The following HEATR5B variants were observed in gnomAD, a reference collection of about 807,000 sequenced individuals.
HEATR5B encodes the protein HEAT repeat containing 5B.
In HEATR5B, 156 loss-of-function variants were observed where a neutral mutation model predicts 224.1. That is an observed-to-expected ratio of 0.70 (90% CI 0.61 to 0.80). The LOEUF (loss-of-function observed/expected upper bound fraction) is 0.80, where lower values mean the gene tolerates loss of function less well. Ranked by LOEUF, HEATR5B falls within the 30% of genes least tolerant of loss-of-function variation. The pLI, the probability that HEATR5B is intolerant of heterozygous loss-of-function variation, is 0.00. For missense variants in HEATR5B, 2,323 were observed against 2,535.5 expected (o/e 0.92, Z 1.80); for synonymous variants, 1,027 against 893.0 (o/e 1.15, Z -2.68).
At chr2:37,019,987 T>C in intron 25 of HEATR5B, 110 bp from the exon 26 acceptor site, 1 of 690,002 alleles carries the variant, frequency 1.4e-6, no homozygotes, top group Non-Finnish European at 2.4e-6. Context: ...CATTGCAACC[T>C]CTGCCTCGTA....
intron 33 of HEATR5B, among the ~76,000 whole-genome samples, chr2:36,995,631 C>T (rs1427960841): frequency 1.3e-5 from 2 of 152,052 alleles, no homozygotes; most frequent in African/African-American, 4.8e-5. Context: ...AACTCTACCA[C>T]CCAGTAATAG....
rs1374510523 is a variant in HEATR5B at position 37,013,933 on chromosome 2, T to C, written c.4192A>G (p.Lys1398Glu). The C allele has an allele frequency of 6.2e-7, 1 of 1,613,200 alleles. No homozygotes were observed. The highest frequency in any genetic ancestry group is 8.5e-7 in the Non-Finnish European group (1 of 1,179,566). The change falls in exon 27 of 36, where the codon AAA (lysine) becomes GAA (glutamate). Residue 1398 changes from lysine (K) to glutamate (E), a missense_variant. Lys to Glu is a moderately conservative substitution (Grantham distance 56, BLOSUM62 1). Coordinates refer to ENST00000233099, the MANE Select transcript of HEATR5B (RefSeq NM_019024.3). ...GAAGATCCTTTTCCAGCCTGAACTT[T>C]GTCCAGAGAAGAAACAAGAAGATTG... ...VHNLLVSSLD[K>E]VQAGKGSSSQ...
chr2:36,989,966 T>C (rs1469585792), intron 34 of HEATR5B, among the ~76,000 whole-genome samples: 2 of 132,776 alleles, frequency 1.5e-5, no homozygotes, highest in Admixed American at 1.7e-4. Context: ...AGTGGTGCAA[T>C]GGCACAATCT....
intron 10 of HEATR5B, among the ~76,000 whole-genome samples, chr2:37,063,427 G>C (rs998668529): frequency 2.0e-5 from 3 of 152,180 alleles, no homozygotes; most frequent in Non-Finnish European, 2.9e-5. Context: ...TAAGATACCA[G>C]TTTACCAGAC....
chr2:37,007,942 C>T (rs1558723163), intron 28 of HEATR5B, among the ~76,000 whole-genome samples: 2 of 152,208 alleles, frequency 1.3e-5, no homozygotes. Context: ...TCTATCACAA[C>T]CAGGGAACTC....
intron 33 of HEATR5B, among the ~76,000 whole-genome samples, chr2:37,000,118 C>T (rs1163640911): frequency 6.6e-6 from 1 of 151,760 alleles, no homozygotes; most frequent in Non-Finnish European, 1.5e-5. Flanking sequence ...CTGTTTTTTG[C>T]CGAGCCTGGA....
intron 19 of HEATR5B, 193 bp downstream of exon 19, chr2:37,040,940 T>C (rs1669834355): frequency 1.9e-6 from 1 of 531,516 alleles, no homozygotes; most frequent in Non-Finnish European, 3.3e-6. Flanking sequence ...TGTATGTGAA[T>C]GGGTAAAATT....
chr2:37,020,157 G>A (rs557333336), intron 25 of HEATR5B, among the ~76,000 whole-genome samples: 4 of 152,196 alleles, frequency 2.6e-5, no homozygotes, highest in African/African-American at 7.2e-5. Flanking sequence ...CACCCACCTC[G>A]GCCTCCCAAA....
intron 17 of HEATR5B, among the ~76,000 whole-genome samples, chr2:37,052,308 A>G (rs1670610593): frequency 6.6e-6 from 1 of 152,118 alleles, no homozygotes; most frequent in South Asian, 2.1e-4. Flanking sequence ...TCCAAGGCCC[A>G]CCTTGGATGT....
At chr2:37,057,885 A>C (rs1671013623) in intron 14 of HEATR5B, among the ~76,000 whole-genome samples, 1 of 152,220 alleles carries the variant, frequency 6.6e-6, no homozygotes, top group Non-Finnish European at 1.5e-5. Context: ...AAATATATTA[A>C]ATGTGATATG....
chr2:36,983,717 G>C (rs1206065837), intron 35 of HEATR5B, among the ~76,000 whole-genome samples: 1 of 151,328 alleles, frequency 6.6e-6, no homozygotes, highest in Non-Finnish European at 1.5e-5. Context: ...GACAAAGCGA[G>C]ACTCCCTTTC....
chr2:37,053,156 T>C (rs752616088), intron 17 of HEATR5B, among the ~76,000 whole-genome samples: 31 of 152,252 alleles, frequency 2.0e-4, no homozygotes, highest in Non-Finnish European at 3.4e-4. Context: ...CTCACATGAT[T>C]TGTGGCCTAA....
Position 37,008,687 on chromosome 2 carries a change from G to T in HEATR5B, c.4446C>A (p.Arg1482=), listed in dbSNP as rs1021182840. The T allele has an allele frequency of 3.1e-6, 5 of 1,614,016 alleles. No homozygotes were observed. In the South Asian group the frequency reaches 5.5e-5, roughly 18 times the overall value. The change falls in exon 28 of 36, where the codon CGC becomes CGA. Residue 1482 remains arginine (R), a synonymous_variant. Coordinates refer to ENST00000233099, the MANE Select transcript of HEATR5B (RefSeq NM_019024.3). ...LVQPELPTLS[R]LWLAALKDYA... is the part of the protein sequence containing the mutation. ...AATCTTTTAATGCTGCTAACCACAG[G>T]CGACTGAGTGTTGGTAGTTCAGGTT...
intron 25 of HEATR5B, among the ~76,000 whole-genome samples, 180 bp from the exon 26 acceptor site, chr2:37,020,057 C>T (rs1668373279): frequency 6.6e-6 from 1 of 152,024 alleles, no homozygotes; most frequent in Non-Finnish European, 1.5e-5. Context: ...GCATGCACCA[C>T]TACTGCCAGG....
At chr2:37,039,802 T>C (rs1669763247) in intron 20 of HEATR5B, among the ~76,000 whole-genome samples, 1 of 152,344 alleles carries the variant, frequency 6.6e-6, no homozygotes, top group African/African-American at 2.4e-5. Context: ...ACATAGGCTT[T>C]AGGATCATAA....
rs139744426 is a variant in HEATR5B at position 37,007,162 on chromosome 2, T to A, written c.4665A>T (p.Ile1555=). The change falls in exon 29 of 36, where the codon ATA becomes ATT. Residue 1555 remains isoleucine, a synonymous_variant. Transcript: ENST00000233099. ...ATGTAGAACGTTTTTGTAAACCAGA[T>A]ATTGCTGCTGCTTCTGTAGACTCTG... is the stretch of plus-strand genomic sequence containing the variant. ...TCSESTEAAA[I]SGLQKRSTSV... 6.2e-7 allele frequency: 1 copy of A among 1,614,158 alleles called. No homozygotes were observed. Among genetic ancestry groups the A allele is most frequent in the African/African-American group, 1.3e-5 (1 of 75,040 alleles).
chr2:37,076,644 C>T (rs1433792763), intron 4 of HEATR5B, among the ~76,000 whole-genome samples: 1 of 50,664 alleles, frequency 2.0e-5, no homozygotes, highest in South Asian at 1.1e-3. Context: ...AGCTATGGCA[C>T]CAAAAAAAAG....
Position 37,028,870 on chromosome 2 carries a change from G to A in HEATR5B, c.3412C>T (p.Arg1138Trp), listed in dbSNP as rs148287014. 27 of 1,613,878 alleles carry A rather than the reference G, an allele frequency of 1.7e-5. No individual in the cohort carries two copies. The African/African-American group carries it at 1.7e-4, about 10-fold the overall frequency. ...TCTGTTATATTAACACCTTGGTGCC[G>A]GCAATGGATATCAGTTCGAGAACTA... ...GVSSRTDIHC[R>W]HQGVNITETG... Residue 1138 changes from arginine to tryptophan, a missense_variant, in exon 23 of 36, where the codon CGG (arginine) becomes TGG (tryptophan). Coordinates refer to ENST00000233099, the MANE Select transcript of HEATR5B (RefSeq NM_019024.3).
intron 35 of HEATR5B, among the ~76,000 whole-genome samples, chr2:36,986,252 T>C (rs1429037901): frequency 1.3e-5 from 2 of 152,246 alleles, no homozygotes; most frequent in African/African-American, 4.8e-5. Context: ...TAACCTATAT[T>C]GTTACTAATT....
Sources: allele counts gnomAD v4.1 joint callset (sites outside exome capture counted in the v4.1 genomes callset), GRCh38; gene constraint gnomAD v4.1.1; transcripts MANE v1.5; gene names NCBI Gene and HGNC (gene_info 2026-07-23, HGNC 2026-07-21).